ADAM22: variants seen among roughly 807,000 people sequenced by gnomAD.
The protein encoded by ADAM22 is ADAM metallopeptidase domain 22.
ADAM22 carries 65 observed loss-of-function variants against 144.6 expected under a neutral mutation model. The observed-to-expected ratio is 0.45, with a 90% CI of 0.37 to 0.55. The LOEUF (loss-of-function observed/expected upper bound fraction) is 0.55. Among genes scored for constraint, ADAM22 ranks in the 20% least tolerant of loss-of-function variants. The pLI, the probability that ADAM22 is intolerant of heterozygous loss-of-function variation, is 0.00. For missense variants in ADAM22, 974 were observed against 1,184.9 expected (o/e 0.82, Z 2.61); for synonymous variants, 391 against 412.6 (o/e 0.95, Z 0.63).
intron 2 of ADAM22, among the ~76,000 whole-genome samples, chr7:87,971,892 TA>T: frequency 6.6e-6 from 1 of 152,314 alleles, no homozygotes; most frequent in East Asian, 1.9e-4. Flanking sequence ...AAGATAACCT[TA>T]AGAAGCAACC....
intron 25 of ADAM22, among the ~76,000 whole-genome samples, chr7:88,171,324 A>G (rs955425336): frequency 4.0e-5 from 6 of 151,898 alleles, no homozygotes; most frequent in African/African-American, 9.7e-5. Flanking sequence ...AAAGTGGACA[A>G]TTGTTTGACA....
At position 88,008,451 on chromosome 7, in the gene ADAM22, A is replaced by G. The variant is rs368910320; in HGVS notation, c.323+30039A>G. ...TGCTGCTATAAAGACACATGCACAC[A>G]TATGTTTATTGCAGCACTATTCACA... On this transcript the variant is annotated intron_variant, in intron 3 of 31. Coordinates refer to ENST00000413139, the MANE Select transcript of ADAM22 (RefSeq NM_001324418.2). Among the ~76,000 whole-genome samples, 913 of 151,982 alleles carry G rather than the reference A, an allele frequency of 6.0e-3. 10 individuals are homozygous for G. The highest frequency in any genetic ancestry group is 0.046 in the East Asian group (237 of 5,170).
At chr7:88,089,004 A>AT (rs1289308534) in intron 4 of ADAM22, among the ~76,000 whole-genome samples, 2 of 151,460 alleles carry the variant, frequency 1.3e-5, no homozygotes, top group African/African-American at 4.9e-5. Flanking sequence ...TGGGACATAG[A>AT]TTTTTTTTCT....
chr7:87,973,249 AAAAC>A (rs759322302), intron 2 of ADAM22, among the ~76,000 whole-genome samples: 3 of 152,092 alleles, frequency 2.0e-5, no homozygotes, highest in African/African-American at 4.8e-5. Context: ...TTACAAGAAA[AAAAC>A]AAACCCATCA....
chr7:88,104,416 T>C (rs1048161548), intron 4 of ADAM22, among the ~76,000 whole-genome samples: 1 of 152,120 alleles, frequency 6.6e-6, no homozygotes, highest in African/African-American at 2.4e-5. Context: ...ACAGCTTGAA[T>C]AGTATATGTG....
At chr7:87,938,897 C>A (rs1562797614) in intron 2 of ADAM22, among the ~76,000 whole-genome samples, 1 of 152,186 alleles carries the variant, frequency 6.6e-6, no homozygotes. Flanking sequence ...GATCCGCCCA[C>A]CTTGGCATCC....
At chr7:88,139,137 G>A (rs777202758) in intron 14 of ADAM22, among the ~76,000 whole-genome samples, 1 of 152,202 alleles carries the variant, frequency 6.6e-6, no homozygotes, top group African/African-American at 2.4e-5. Context: ...GGACTTTGGG[G>A]CTGGGCATGG....
At chr7:87,978,469 C>T (rs1852446482) in intron 3 of ADAM22, 57 bp downstream of exon 3, 2 of 1,490,786 alleles carry the variant, frequency 1.3e-6, no homozygotes, top group South Asian at 2.3e-5. Flanking sequence ...ACTTTATTTT[C>T]CACTTGTAAA....
At chr7:88,176,791 G>T (rs1169984066) in intron 26 of ADAM22, among the ~76,000 whole-genome samples, 1 of 152,164 alleles carries the variant, frequency 6.6e-6, no homozygotes, top group African/African-American at 2.4e-5. Context: ...TTGAGACAGA[G>T]TCTTGCTCTG....
At chr7:88,170,829 A>T (rs1024954273) in intron 25 of ADAM22, among the ~76,000 whole-genome samples, 48 of 151,960 alleles carry the variant, frequency 3.2e-4, no homozygotes, top group Admixed American at 2.2e-3. Context: ...GAACTCTTGA[A>T]AAGTCACTGG....
intron 3 of ADAM22, among the ~76,000 whole-genome samples, chr7:88,050,453 C>CAG (rs915816625): frequency 4.0e-5 from 5 of 123,946 alleles, no homozygotes; most frequent in Non-Finnish European, 8.3e-5. Flanking sequence ...AGAAAATGCC[C>CAG]AGAGTCAGTC....
intron 3 of ADAM22, among the ~76,000 whole-genome samples, chr7:87,990,437 A>T (rs150983129): frequency 1.3e-5 from 2 of 152,212 alleles, no homozygotes; most frequent in African/African-American, 4.8e-5. Context: ...AGTAACATAC[A>T]TGAACATTTT....
At chr7:87,987,375 C>T (rs1274833958) in intron 3 of ADAM22, among the ~76,000 whole-genome samples, 1 of 152,132 alleles carries the variant, frequency 6.6e-6, no homozygotes, top group African/African-American at 2.4e-5. Context: ...GACAGAGTTT[C>T]ACCATGTTGG....
At chr7:88,055,070 A>C (rs1037669027) in intron 3 of ADAM22, among the ~76,000 whole-genome samples, 48 of 152,144 alleles carry the variant, frequency 3.2e-4, no homozygotes, top group African/African-American at 1.1e-3. Flanking sequence ...TTTATAATGG[A>C]ACATGCTGCT....
At chr7:88,038,944 C>A (rs1468585902) in intron 3 of ADAM22, among the ~76,000 whole-genome samples, 1 of 151,866 alleles carries the variant, frequency 6.6e-6, no homozygotes, top group African/African-American at 2.4e-5. Flanking sequence ...CCATGCCTGG[C>A]TAATTTTTTA....
At chr7:88,184,938 A>T (rs555918873) in intron 29 of ADAM22, among the ~76,000 whole-genome samples, 1 of 152,344 alleles carries the variant, frequency 6.6e-6, no homozygotes, top group South Asian at 2.1e-4. Flanking sequence ...CAGTGAAAGG[A>T]ACAAATGTCT....
At chr7:87,956,058 C>T (rs191671816) in intron 2 of ADAM22, among the ~76,000 whole-genome samples, 16 of 150,690 alleles carry the variant, frequency 1.1e-4, no homozygotes, top group African/African-American at 3.7e-4. Context: ...GGAAAGGGAA[C>T]TCCCTGACCC....
intron 3 of ADAM22, among the ~76,000 whole-genome samples, chr7:88,069,008 C>A (rs1043623919): frequency 6.6e-6 from 1 of 152,080 alleles, no homozygotes; most frequent in African/African-American, 2.4e-5. Flanking sequence ...GGTCATTAGG[C>A]CATGAGGGCT....
At chr7:87,964,452 CT>C (rs1057485156) in intron 2 of ADAM22, among the ~76,000 whole-genome samples, 1 of 152,210 alleles carries the variant, frequency 6.6e-6, no homozygotes, top group South Asian at 2.1e-4. Flanking sequence ...CAAGATTGAT[CT>C]TTTTTTATCA....
Sources: allele counts gnomAD v4.1 joint callset (sites outside exome capture counted in the v4.1 genomes callset), GRCh38; gene constraint gnomAD v4.1.1; transcripts MANE v1.5; gene names NCBI Gene and HGNC (gene_info 2026-07-23, HGNC 2026-07-21).